OTOGL: variants seen among roughly 807,000 people sequenced by gnomAD.
OTOGL encodes otogelin like, also known as otogelin-like protein.
In OTOGL, 285 loss-of-function variants were observed where a neutral mutation model predicts 318.5. The ratio of observed to expected loss-of-function variants is 0.89; its 90% confidence interval spans 0.81 to 0.99. The LOEUF is 0.99. OTOGL is among the 50% of genes least tolerant of loss of function. The probability of loss-of-function intolerance (pLI) is 0.00; values close to 1 mark genes in which losing one functional copy is unlikely to be tolerated. For missense variants in OTOGL, 2,899 were observed against 2,845.6 expected, an observed-to-expected ratio of 1.02 and a Z score of -0.43; for synonymous variants, 987 against 936.5, an observed-to-expected ratio of 1.05 and a Z score of -0.99.
chr12:80,278,274 T>C lies in OTOGL; in HGVS notation c.2788T>C (p.Cys930Arg). The change falls in exon 25 of 59, where the codon TGC becomes CGC. Residue 930 changes from cysteine (C) to arginine (R), a missense_variant and splice_region_variant. Cys to Arg is a radical substitution (Grantham distance 180). Coordinates refer to ENST00000547103, the MANE Select transcript of OTOGL (RefSeq NM_001378609.3). ...GEVIATPCYT[C>R]VCRRGMFNCT... is the part of the protein sequence containing the mutation. ...AGTGATTGCTACACCGTGTTACACCTGGTAAGGAGATCCATTTATTTCACA... is the reference window on the plus strand; with the variant it reads ...AGTGATTGCTACACCGTGTTACACCCGGTAAGGAGATCCATTTATTTCACA... 6.6e-7 allele frequency: 1 copy of C among 1,515,828 alleles called. No homozygotes were observed. Among genetic ancestry groups the C allele is most frequent in the South Asian group, 1.2e-5 (1 of 82,034 alleles). 93.9% of individuals were successfully genotyped at this position (1,515,828 alleles called of 1,614,324 possible).
intron 18 of OTOGL, 73 bp from the exon 19 acceptor site, chr12:80,261,896 T>C (rs1882556526): frequency 1.3e-6 from 2 of 1,501,544 alleles, no homozygotes; most frequent in South Asian, 2.7e-5. Context: ...AGTATTCTCT[T>C]ATTTAAATAT....
At position 80,335,990 on chromosome 12, in the gene OTOGL, T is replaced by A. The variant is rs1371053504; in HGVS notation, c.4450T>A (p.Cys1484Ser). The A allele has an allele frequency of 6.3e-7, 1 of 1,590,110 alleles. No homozygotes were observed. The highest frequency in any genetic ancestry group is 1.3e-5 in the African/African-American group (1 of 74,514). ...EPQKFDPVYD[C>S]SQYICLNMEW... ...TCAGAAATTTGATCCTGTTTATGAT[T>A]GTAGCCAATACATATGCCTTAATAT... Residue 1484 changes from cysteine (C) to serine (S), a missense_variant, in exon 39 of 59, where the codon TGT becomes AGT. By Grantham distance (112) the Cys-to-Ser change is moderately radical (BLOSUM62 -1). Coordinates refer to ENST00000547103, the MANE Select transcript of OTOGL (RefSeq NM_001378609.3).
At chr12:80,148,001 C>G (rs1041843005) in intron 1 of OTOGL, among the ~76,000 whole-genome samples, 1 of 152,244 alleles carries the variant, frequency 6.6e-6, no homozygotes, top group African/African-American at 2.4e-5. Flanking sequence ...GGTCTTGACT[C>G]TTTATCCAAT....
In OTOGL at chr12:80,343,509, G is replaced by GGTTTTTTTTTTT; in HGVS notation, c.5265+1347_5265+1348insGTTTTTTTTTTT. On this transcript the variant is annotated intron_variant, in intron 44 of 58. Coordinates refer to ENST00000547103, the MANE Select transcript of OTOGL (RefSeq NM_001378609.3). ...TACATTTTTATTATTTTTTATTCTT[G>GGTTTTTTTTTTT]TTTTTTTTTTTTTTTTTTTTTTTTT... is the stretch of plus-strand genomic sequence containing the variant. 2.8e-4 allele frequency: 10 copies of GGTTTTTTTTTTT among 35,860 alleles called. 3 individuals carry two copies. The highest frequency in any genetic ancestry group is 3.7e-4 in the Admixed American group (1 of 2,706). The allele number at this position is 35,860 out of a possible 1,614,324, so 2.2% of individuals were successfully genotyped here. A position where few individuals can be genotyped will look rare whatever the true frequency, so the allele number is the denominator to read the frequency against.
chr12:80,238,927 C>T lies in OTOGL; in HGVS notation c.894C>T (p.Leu298=), dbSNP rs377112652. 3.1e-6 allele frequency: 5 copies of T among 1,595,998 alleles called. No individual in the cohort carries two copies. In the African/African-American group the frequency reaches 6.7e-5, roughly 21 times the overall value. ...CTCCAGATGACACCAAATGTGTACT[C>T]ACACCCTCAGATTTTCCAAATCCGT... ...VQTPDDTKCV[L]TPSDFPNPCS... Residue 298 remains leucine (L), a synonymous_variant, in exon 10 of 59, where the codon CTC becomes CTT. Coordinates refer to ENST00000547103, the MANE Select transcript of OTOGL (RefSeq NM_001378609.3).
chr12:80,213,456 T>C (rs1289229007), intron 4 of OTOGL, among the ~76,000 whole-genome samples: 2 of 152,172 alleles, frequency 1.3e-5, no homozygotes, highest in African/African-American at 4.8e-5. Context: ...TGACGAAGAA[T>C]GCCTAACCTC....
intron 1 of OTOGL, among the ~76,000 whole-genome samples, chr12:80,141,204 G>A (rs10746152): frequency 0.53 from 80,860 of 151,852 alleles, 21,730 homozygotes; most frequent in Middle Eastern, 0.58. Context: ...AGGGAAAAAG[G>A]CAAGATTTTT....
At chr12:80,107,329 C>A (rs1869513251) in intron 1 of OTOGL, among the ~76,000 whole-genome samples, 1 of 152,186 alleles carries the variant, frequency 6.6e-6, no homozygotes, top group African/African-American at 2.4e-5. Flanking sequence ...AAAAAATGCT[C>A]AACATGACTA....
At chr12:80,182,634 G>A (rs192595712) in intron 1 of OTOGL, among the ~76,000 whole-genome samples, 2 of 152,242 alleles carry the variant, frequency 1.3e-5, no homozygotes, top group East Asian at 3.9e-4. Flanking sequence ...CACTTGTGCT[G>A]GTCTAGAAGG....
chr12:80,364,620 C>A (rs540621633), intron 52 of OTOGL, among the ~76,000 whole-genome samples: 1 of 152,148 alleles, frequency 6.6e-6, no homozygotes, highest in South Asian at 2.1e-4. Flanking sequence ...CTTTCTGTCT[C>A]TCCATGTATT....
chr12:80,267,520 AT>A (rs1376391122), intron 22 of OTOGL, among the ~76,000 whole-genome samples, 193 bp downstream of exon 22: 1 of 150,702 alleles, frequency 6.6e-6, no homozygotes, highest in Non-Finnish European at 1.5e-5. Context: ...CGTCATTTAC[AT>A]TACATTGAGT....
intron 10 of OTOGL, 53 bp from the exon 11 acceptor site, chr12:80,239,280 C>T (rs1431450383): frequency 5.3e-6 from 7 of 1,324,892 alleles, no homozygotes; most frequent in Non-Finnish European, 7.4e-6. Flanking sequence ...TAATAGAAGA[C>T]TATACACATA....
intron 26 of OTOGL, among the ~76,000 whole-genome samples, chr12:80,291,398 G>A (rs937220775): frequency 6.6e-6 from 1 of 152,082 alleles, no homozygotes; most frequent in African/African-American, 2.4e-5. Flanking sequence ...CTTTTACGTT[G>A]GCTTTGTTGT....
chr12:80,112,391 A>G (rs950315502), intron 1 of OTOGL, among the ~76,000 whole-genome samples: 3 of 152,104 alleles, frequency 2.0e-5, no homozygotes, highest in Non-Finnish European at 4.4e-5. Flanking sequence ...TGTCATAAAG[A>G]GCTTTTATTA....
At chr12:80,295,427 T>C (rs1885325934) in intron 26 of OTOGL, among the ~76,000 whole-genome samples, 1 of 152,196 alleles carries the variant, frequency 6.6e-6, no homozygotes, top group Admixed American at 6.5e-5. Flanking sequence ...TCTGCCTGCC[T>C]CGGCCTCCCA....
intron 1 of OTOGL, among the ~76,000 whole-genome samples, chr12:80,159,778 G>A (rs902238389): frequency 9.9e-5 from 15 of 151,860 alleles, no homozygotes; most frequent in African/African-American, 3.6e-4. Context: ...CCAAACAAAA[G>A]CCCACATAGC....
intron 1 of OTOGL, among the ~76,000 whole-genome samples, chr12:80,171,152 C>T (rs1293051318): frequency 2.6e-5 from 4 of 152,082 alleles, no homozygotes; most frequent in African/African-American, 9.7e-5. Context: ...GAGCTCACTG[C>T]AGCCTTGACC....
Position 80,327,676 on chromosome 12 carries a change from C to G in OTOGL, c.4200-989C>G, listed in dbSNP as rs528938558. Among the ~76,000 whole-genome samples, 3 of 151,240 alleles carry G rather than the reference C, an allele frequency of 2.0e-5. No homozygotes were observed. In the East Asian group the frequency reaches 5.9e-4, roughly 30 times the overall value. On this transcript the variant is annotated intron_variant, in intron 35 of 58. Transcript: ENST00000547103. ...GTGAGGGGAGTATAAGAGTGGAAAG[C>G]GGGCCGGGCACGGTGGTTCACGCCT...
At chr12:80,374,668 C>G (rs10746159) in intron 57 of OTOGL, among the ~76,000 whole-genome samples, 108,744 of 151,684 alleles carry the variant, frequency 0.72, 40,852 homozygotes, top group Non-Finnish European at 0.84. Flanking sequence ...TCTTCTTCTT[C>G]AGATTCTAGA....
Sources: allele counts gnomAD v4.1 joint callset (sites outside exome capture counted in the v4.1 genomes callset), GRCh38; gene constraint gnomAD v4.1.1; transcripts MANE v1.5; gene names NCBI Gene and HGNC (gene_info 2026-07-23, HGNC 2026-07-21).